The following AGAP1 variants were observed in gnomAD, a reference collection of about 807,000 sequenced individuals.
The protein encoded by AGAP1 is arf-GAP with GTPase, ANK repeat and PH domain-containing protein 1.
AGAP1 carries 29 observed loss-of-function variants against 105.3 expected under a neutral mutation model. The observed-to-expected ratio is 0.28, with a 90% CI of 0.21 to 0.38. The LOEUF (loss-of-function observed/expected upper bound fraction) is 0.38, where lower values mean the gene tolerates loss of function less well. AGAP1 is among the 10% of genes least tolerant of loss of function. The pLI is 1.00. For synonymous variants in AGAP1, 509 were observed against 485.9 expected, an observed-to-expected ratio of 1.05 and a Z score of -0.63; for missense variants, 998 against 1,165.1, an observed-to-expected ratio of 0.86 and a Z score of 2.09.
intron 1 of AGAP1, among the ~76,000 whole-genome samples, chr2:235,693,226 T>G (rs1949824356): frequency 6.6e-6 from 1 of 152,072 alleles, no homozygotes; most frequent in Non-Finnish European, 1.5e-5. Flanking sequence ...GGGGCTGCAG[T>G]GCAGTCTTTG....
At chr2:235,727,803 A>G (rs191542432) in intron 3 of AGAP1, among the ~76,000 whole-genome samples, 113 of 152,294 alleles carry the variant, frequency 7.4e-4, no homozygotes, top group East Asian at 3.1e-3. Flanking sequence ...GTAGCAGTCC[A>G]GCAATCAGGG....
intron 9 of AGAP1, among the ~76,000 whole-genome samples, chr2:235,869,420 TAAAAAAAAA>T (rs35813316): frequency 0.033 from 1,628 of 49,962 alleles, 44 homozygotes; most frequent in African/African-American, 0.09. Context: ...CCATCTCTAC[TAAAAAAAAA>T]AAAAAAAAAA....
rs543719492 is a variant in AGAP1 at position 236,105,772 on chromosome 2, T to C, written c.2115-14420T>C. Among the ~76,000 whole-genome samples the C allele has an allele frequency of 2.0e-5, 3 of 152,278 alleles. No individual in the cohort carries two copies. In the South Asian group the frequency reaches 6.2e-4, roughly 32 times the overall value. On this transcript the variant is annotated intron_variant, in intron 16 of 17. Transcript: ENST00000304032. The surrounding 1 kb of genome is among the most constrained non-coding windows in gnomAD (Gnocchi z 4.2). The stretch of plus-strand genomic sequence containing the variant: ...CCATGCCCGGCTGATTTTGTTTTTG[T>C]ATTTTTAGTAGAGACGGGGTTTCAC...
intron 9 of AGAP1, among the ~76,000 whole-genome samples, chr2:235,810,845 T>C (rs1427543622): frequency 1.3e-5 from 2 of 150,780 alleles, no homozygotes; most frequent in African/African-American, 4.9e-5. Flanking sequence ...TTTTTTTTTT[T>C]TTTTTTTTTA....
At chr2:235,773,732 T>C (rs1397419894) in intron 6 of AGAP1, 3 of 359,636 alleles carry the variant, frequency 8.3e-6, no homozygotes, top group East Asian at 7.5e-5. Context: ...AGTCATGTCC[T>C]CTCCTATGGA....
intron 1 of AGAP1, among the ~76,000 whole-genome samples, chr2:235,503,889 C>A (rs1447241187): frequency 6.6e-6 from 1 of 152,118 alleles, no homozygotes; most frequent in African/African-American, 2.4e-5. Flanking sequence ...AGCCACTGTG[C>A]CTGGCCTAGT....
In AGAP1 at chr2:235,631,697, A is replaced by G. The variant is rs141997374; in HGVS notation, c.164-77482A>G. 4.9e-4 allele frequency among the ~76,000 whole-genome samples: 74 copies of G among 152,344 alleles called. No individual in the cohort carries two copies. The East Asian group carries it at 0.014, about 29-fold the overall frequency. On this transcript the variant is annotated intron_variant, in intron 1 of 17. Coordinates refer to ENST00000304032, the MANE Select transcript of AGAP1 (RefSeq NM_001037131.3). This position sits in a 1 kb window ranked among gnomAD's most constrained non-coding sequence, Gnocchi z 5.4. ...CTTCGATGGCACGGGGGATAGCAGT[A>G]TCTGCTTCACATGGTCAGAAAATTC...
rs1041273309 is a variant in AGAP1 at position 236,076,970 on chromosome 2, G to A, written c.2114+27689G>A. Among the ~76,000 whole-genome samples, 2 of 151,110 alleles carry A rather than the reference G, an allele frequency of 1.3e-5. No individual in the cohort carries two copies. The highest frequency in any genetic ancestry group is 4.9e-5 in the African/African-American group (2 of 41,162). ...AAAATACCCAAAAAAAAAAAGCCAG[G>A]CATGGTGGTGCATGTCTGTGTCCCA... On this transcript the variant is annotated intron_variant, in intron 16 of 17. Coordinates refer to ENST00000304032, the MANE Select transcript of AGAP1 (RefSeq NM_001037131.3). The surrounding 1 kb of genome is among the most constrained non-coding windows in gnomAD (Gnocchi z 4.4).
rs1231254011 is a variant in AGAP1 at position 235,845,951 on chromosome 2, A to C, written c.1051-37394A>C. Among the ~76,000 whole-genome samples the C allele has an allele frequency of 6.6e-6, 1 of 152,082 alleles. No individual in the cohort carries two copies. Among genetic ancestry groups the C allele is most frequent in the Non-Finnish European group, 1.5e-5 (1 of 68,010 alleles). ...GCCCCTCCACTCACCCTTCAGCTGC[A>C]GCCACAGGGTTGAAATCTTTCCCAG... On this transcript the variant is annotated intron_variant, in intron 9 of 17. Transcript: ENST00000304032. This position sits in a 1 kb window ranked among gnomAD's most constrained non-coding sequence, Gnocchi z 4.8.
chr2:236,101,317 A>G lies in AGAP1; in HGVS notation c.2115-18875A>G, dbSNP rs2125905294. 6.6e-6 allele frequency among the ~76,000 whole-genome samples: 1 copy of G among 152,278 alleles called. No homozygotes were observed. The highest frequency in any genetic ancestry group is 1.9e-4 in the East Asian group (1 of 5,174). On this transcript the variant is annotated intron_variant, in intron 16 of 17. Coordinates refer to ENST00000304032, the MANE Select transcript of AGAP1 (RefSeq NM_001037131.3). This position sits in a 1 kb window ranked among gnomAD's most constrained non-coding sequence, Gnocchi z 4.9. ...TGGTCCTATGTCTTTAAACAATAAT[A>G]TTACCACAGGCCGCAGTTCTTAAAG...
chr2:235,947,837 A>G (rs1350710154), intron 12 of AGAP1, among the ~76,000 whole-genome samples: 1 of 152,216 alleles, frequency 6.6e-6, no homozygotes, highest in Non-Finnish European at 1.5e-5. Flanking sequence ...TATAGGTACT[A>G]TTTGTTAAGT....
rs1313292933 is a variant in AGAP1 at position 235,751,363 on chromosome 2, C to T, written c.673+875C>T. Among the ~76,000 whole-genome samples the T allele has an allele frequency of 6.6e-6, 1 of 152,060 alleles. No individual in the cohort carries two copies. Among genetic ancestry groups the T allele is most frequent in the East Asian group, 1.9e-4 (1 of 5,170 alleles). ...GGTCCTCTCCCCTTCTGGTTTAAAT[C>T]CATGGGGGCAGAGCCACCTGTCCCC... On this transcript the variant is annotated intron_variant, in intron 6 of 17. Coordinates refer to ENST00000304032, the MANE Select transcript of AGAP1 (RefSeq NM_001037131.3). This position sits in a 1 kb window ranked among gnomAD's most constrained non-coding sequence, Gnocchi z 5.3.
Position 235,505,331 on chromosome 2 carries a change from T to C in AGAP1, c.163+10482T>C, listed in dbSNP as rs1038821070. Among the ~76,000 whole-genome samples, 3 of 152,286 alleles carry C rather than the reference T, an allele frequency of 2.0e-5. No individual in the cohort carries two copies. The East Asian group carries it at 5.8e-4, about 29-fold the overall frequency. On this transcript the variant is annotated intron_variant, in intron 1 of 17. Coordinates refer to ENST00000304032, the MANE Select transcript of AGAP1 (RefSeq NM_001037131.3). The stretch of plus-strand genomic sequence containing the variant: ...GCCCATCCCCCTCCACAAAGGCCAG[T>C]GCTAAACAAGGCCAGAGCCAGGAAG...
chr2:235,637,090 T>C (rs1379266106), intron 1 of AGAP1, among the ~76,000 whole-genome samples: 1 of 152,152 alleles, frequency 6.6e-6, no homozygotes, highest in Non-Finnish European at 1.5e-5. Context: ...GCCACTCAGA[T>C]TGTGGCACTT....
intron 13 of AGAP1, among the ~76,000 whole-genome samples, chr2:236,026,545 A>G (rs1025258911): frequency 5.9e-5 from 9 of 152,168 alleles, no homozygotes; most frequent in African/African-American, 2.2e-4. Flanking sequence ...CCTGGCCAAC[A>G]TGGCGAAACC....
At chr2:235,804,534 AAGGG>A (rs1957742176) in intron 8 of AGAP1, among the ~76,000 whole-genome samples, 1 of 152,170 alleles carries the variant, frequency 6.6e-6, no homozygotes, top group Non-Finnish European at 1.5e-5. Flanking sequence ...CACTGGTTGA[AAGGG>A]GGTAAACGGG....
At chr2:235,852,589 G>A (rs1465580339) in intron 9 of AGAP1, 2 of 1,191,360 alleles carry the variant, frequency 1.7e-6, no homozygotes, top group Non-Finnish European at 2.2e-6. Flanking sequence ...GACTGCTGAA[G>A]TAAGGGTTAG....
At position 235,577,122 on chromosome 2, in the gene AGAP1, C is replaced by T. The variant is rs1944758802; in HGVS notation, c.163+82273C>T. On this transcript the variant is annotated intron_variant, in intron 1 of 17. Transcript: ENST00000304032. This position sits in a 1 kb window ranked among gnomAD's most constrained non-coding sequence, Gnocchi z 4.5. ...CTGTCCAGTGGAAGTAGAATGCCAG[C>T]CACATACGTCATTTAAAGTTTTCTA... is the stretch of plus-strand genomic sequence containing the variant. Among the ~76,000 whole-genome samples, 1 of 152,102 alleles carries T rather than the reference C, an allele frequency of 6.6e-6. No homozygotes were observed. The highest frequency in any genetic ancestry group is 6.5e-5 in the Admixed American group (1 of 15,278).
At position 235,931,162 on chromosome 2, in the gene AGAP1, C is replaced by A. The variant is rs1254231948; in HGVS notation, c.1483+239C>A. 6.6e-6 allele frequency among the ~76,000 whole-genome samples: 1 copy of A among 152,166 alleles called. No individual in the cohort carries two copies. Among genetic ancestry groups the A allele is most frequent in the African/African-American group, 2.4e-5 (1 of 41,450 alleles). The stretch of plus-strand genomic sequence containing the variant: ...TTGGCACAGGGAGGAGGTAGTCATC[C>A]CATTTGGTCAGTTTGGAAACTGAGG... On this transcript the variant is annotated intron_variant, in intron 12 of 17. Coordinates refer to ENST00000304032, the MANE Select transcript of AGAP1 (RefSeq NM_001037131.3). This position sits in a 1 kb window ranked among gnomAD's most constrained non-coding sequence, Gnocchi z 5.6.
Sources: gnomAD v4.1 joint callset for allele counts (sites outside exome capture counted in the v4.1 genomes callset) on GRCh38, gnomAD v4.1.1 for gene constraint, Gnocchi (gnomAD v3.1) non-coding constraint, MANE v1.5 for transcripts, NCBI Gene and HGNC (gene_info 2026-07-23, HGNC 2026-07-21) for gene names.